Variants in FHOD3 observed in about 807,000 individuals in gnomAD.
FHOD3 encodes formin homology 2 domain containing 3.
In FHOD3, 90 loss-of-function variants were observed where a neutral mutation model predicts 173.0. That is an observed-to-expected ratio of 0.52 (90% CI 0.44 to 0.62). The LOEUF is 0.62. Among genes scored for constraint, FHOD3 ranks in the 20% least tolerant of loss-of-function variants. The pLI is 0.00. For synonymous variants in FHOD3, 828 were observed against 823.0 expected (o/e 1.01, Z -0.10); for missense variants, 1,945 against 2,034.7 (o/e 0.96, Z 0.85).
At position 36,510,311 on chromosome 18, in the gene FHOD3, CAT is replaced by C. The variant is rs1161625261; in HGVS notation, c.406-2122_406-2121del. Among the ~76,000 whole-genome samples the C allele has an allele frequency of 1.2e-4, 19 of 152,152 alleles. 1 individual carries two copies. Among genetic ancestry groups the C allele is most frequent in the Non-Finnish European group, 1.5e-5 (1 of 68,036 alleles). ...GTTTTAAAAATCATTTCTTAATGCT[CAT>C]ATATTTTAGGATATATGTGTAAAAT... On this transcript the variant is annotated intron_variant, in intron 4 of 28. Transcript: ENST00000590592.
At chr18:36,751,211 A>G (rs2042389441) in intron 24 of FHOD3, among the ~76,000 whole-genome samples, 1 of 152,150 alleles carries the variant, frequency 6.6e-6, no homozygotes, top group Admixed American at 6.5e-5. Flanking sequence ...GGTTAGCTGT[A>G]TTCCTAGGTA....
chr18:36,409,452 A>G lies in FHOD3; in HGVS notation c.337+36708A>G, dbSNP rs530762534. ...TATTCAACTCAGTGCTCCTTCCCCC[A>G]GCAAACCTTTATTTCATCTCCCTGG... On this transcript the variant is annotated intron_variant, in intron 3 of 28. Coordinates refer to ENST00000590592, the MANE Select transcript of FHOD3 (RefSeq NM_001281740.3). Among the ~76,000 whole-genome samples, 97 of 152,126 alleles carry G rather than the reference A, an allele frequency of 6.4e-4. 3 individuals carry two copies. The South Asian group carries it at 0.019, about 30-fold the overall frequency.
At chr18:36,483,290 C>T (rs912140922) in intron 3 of FHOD3, among the ~76,000 whole-genome samples, 2 of 152,162 alleles carry the variant, frequency 1.3e-5, no homozygotes, top group Non-Finnish European at 2.9e-5. Flanking sequence ...GATGGAGAGG[C>T]AGGAGCAGTG....
At chr18:36,691,374 T>A (rs1489321071) in intron 16 of FHOD3, among the ~76,000 whole-genome samples, 1 of 152,230 alleles carries the variant, frequency 6.6e-6, no homozygotes, top group Non-Finnish European at 1.5e-5. Context: ...CCTGCCCCTT[T>A]ATCCTGTGGC....
chr18:36,736,957 T>C (rs1035340001), intron 20 of FHOD3, among the ~76,000 whole-genome samples: 1 of 152,222 alleles, frequency 6.6e-6, no homozygotes, highest in African/African-American at 2.4e-5. Flanking sequence ...CGTGCAATTA[T>C]CAATAAATCT....
chr18:36,412,371 T>C (rs2049398706), intron 3 of FHOD3, among the ~76,000 whole-genome samples: 1 of 152,184 alleles, frequency 6.6e-6, no homozygotes, highest in Non-Finnish European at 1.5e-5. Flanking sequence ...CTAAAATTTA[T>C]AGAAATATAG....
At chr18:36,723,963 T>C (rs559860333) in intron 19 of FHOD3, among the ~76,000 whole-genome samples, 2 of 152,354 alleles carry the variant, frequency 1.3e-5, no homozygotes, top group South Asian at 4.1e-4. Flanking sequence ...ACGGAATGTC[T>C]CTGAGGGGGA....
intron 7 of FHOD3, among the ~76,000 whole-genome samples, chr18:36,598,592 G>A (rs1296555840): frequency 3.3e-5 from 5 of 151,474 alleles, no homozygotes; most frequent in South Asian, 4.2e-4. Flanking sequence ...TTGCTGTGTC[G>A]CCCAGGCTGG....
At chr18:36,659,594 G>GCT (rs1165518995) in intron 14 of FHOD3, among the ~76,000 whole-genome samples, 1 of 152,170 alleles carries the variant, frequency 6.6e-6, no homozygotes, top group African/African-American at 2.4e-5. Context: ...CTAGAACCAG[G>GCT]CTCTGTTCAT....
chr18:36,425,721 C>G (rs1261507535), intron 3 of FHOD3, among the ~76,000 whole-genome samples: 1 of 152,000 alleles, frequency 6.6e-6, no homozygotes, highest in Non-Finnish European at 1.5e-5. Flanking sequence ...GCTTTAGCAC[C>G]AGTCATGCAT....
At chr18:36,411,794 C>G (rs1280228996) in intron 3 of FHOD3, among the ~76,000 whole-genome samples, 1 of 152,238 alleles carries the variant, frequency 6.6e-6, no homozygotes, top group Non-Finnish European at 1.5e-5. Context: ...AGCCCCCTAA[C>G]TTATTCCAGT....
At chr18:36,355,771 C>T (rs531247962) in intron 2 of FHOD3, 126 bp downstream of exon 2, 158 of 744,026 alleles carry the variant, frequency 2.1e-4, no homozygotes, top group Non-Finnish European at 2.6e-4. Context: ...CAATCACACA[C>T]GAGGGAGATG....
Position 36,755,224 on chromosome 18 carries a change from C to A in FHOD3, c.4338C>A (p.Arg1446=), listed in dbSNP as rs780190788. The change falls in exon 25 of 29, where the codon CGC becomes CGA. Residue 1446 remains arginine (R), a synonymous_variant. Transcript: ENST00000590592. ...TTAGTGAATTTGCACTAGAGTATCG[C>A]ACAACCAGGGAAAGGGTTTTGCAGC... The part of the protein sequence containing the change: ...RIISEFALEY[R]TTRERVLQQK... The A allele has an allele frequency of 1.9e-6, 3 of 1,612,388 alleles. No individual in the cohort carries two copies.
chr18:36,744,179 A>C lies in FHOD3; in HGVS notation c.4027A>C (p.Thr1343Pro). The C allele has an allele frequency of 6.2e-7, 1 of 1,613,594 alleles. No individual in the cohort carries two copies. The highest frequency in any genetic ancestry group is 8.5e-7 in the Non-Finnish European group (1 of 1,179,750). Residue 1343 changes from threonine to proline, a missense_variant, in exon 23 of 29, where the codon ACC becomes CCC. Physicochemically the swap from Thr to Pro is conservative, Grantham distance 38. Around this residue, in one of 5 missense-constraint regions of FHOD3, gnomAD observed 231 missense variants for 321.9 expected, o/e 0.72. Transcript: ENST00000590592. The part of the protein sequence containing the change: ...SDLYSEIGAI[T>P]RSAKVDFDQL... ...TCTGTACTCGGAGATCGGGGCCATC[A>C]CCAGGTCAGCCAAGGTATGTCTGTG...
At chr18:36,458,824 T>C (rs1037413727) in intron 3 of FHOD3, among the ~76,000 whole-genome samples, 10 of 152,184 alleles carry the variant, frequency 6.6e-5, no homozygotes, top group Non-Finnish European at 8.8e-5. Context: ...TTTAGTACTT[T>C]CCAGCCTAGA....
At chr18:36,563,199 T>A (rs887931167) in intron 5 of FHOD3, among the ~76,000 whole-genome samples, 30 of 152,230 alleles carry the variant, frequency 2.0e-4, no homozygotes, top group African/African-American at 6.8e-4. Context: ...GCATGTACTC[T>A]TAATTGTTTT....
At chr18:36,584,616 A>G (rs1042078613) in intron 6 of FHOD3, among the ~76,000 whole-genome samples, 1 of 152,194 alleles carries the variant, frequency 6.6e-6, no homozygotes, top group East Asian at 1.9e-4. Context: ...AATTAAGACT[A>G]ATTTTTTTAT....
chr18:36,564,669 A>G (rs531122483), intron 5 of FHOD3, among the ~76,000 whole-genome samples: 7 of 152,304 alleles, frequency 4.6e-5, no homozygotes, highest in African/African-American at 1.2e-4. Context: ...AGAAAGGTCT[A>G]TCAGAAAGAA....
chr18:36,649,414 G>T lies in FHOD3; in HGVS notation c.1286+9G>T. The T allele has an allele frequency of 6.5e-7, 1 of 1,532,970 alleles. No individual in the cohort carries two copies. The highest frequency in any genetic ancestry group is 1.2e-5 in the South Asian group (1 of 83,900). The allele number at this position is 1,532,970 out of a possible 1,614,324, so 95.0% of individuals were successfully genotyped here. The stretch of plus-strand genomic sequence containing the variant: ...TGTCAGGGCAAGGACAGGTACCTAG[G>T]ACTGGAGCCTCCCAAGCTCACACTA... On this transcript the variant is annotated intron_variant, in intron 11 of 28. Coordinates refer to ENST00000590592, the MANE Select transcript of FHOD3 (RefSeq NM_001281740.3).
Sources: gnomAD v4.1 joint callset for allele counts (sites outside exome capture counted in the v4.1 genomes callset) on GRCh38, gnomAD v4.1.1 for gene constraint, gnomAD v4.1.1 regional missense constraint, MANE v1.5 for transcripts, NCBI Gene and HGNC (gene_info 2026-07-23, HGNC 2026-07-21) for gene names.